ARID1B: variants seen among roughly 807,000 people sequenced by gnomAD.
ARID1B encodes AT-rich interactive domain-containing protein 1B.
Under a neutral mutation model 212.3 loss-of-function variants are expected in ARID1B, and 30 were observed. That is an observed-to-expected ratio of 0.14 (90% CI 0.11 to 0.19). The LOEUF is 0.19. Ranked by LOEUF, ARID1B falls within the 10% of genes least tolerant of loss-of-function variation. ARID1B has a pLI of 1.00. For synonymous variants in ARID1B, 1,402 were observed against 1,301.7 expected, an observed-to-expected ratio of 1.08 and a Z score of -1.66; for missense variants, 2,891 against 3,204.0, an observed-to-expected ratio of 0.90 and a Z score of 2.36.
intron 7 of ARID1B, among the ~76,000 whole-genome samples, chr6:157,142,662 A>C (rs1263026232): frequency 6.6e-6 from 1 of 152,200 alleles, no homozygotes; most frequent in Non-Finnish European, 1.5e-5. Flanking sequence ...CAACAAAAAA[A>C]ACAATATTTT....
chr6:157,121,116 A>G (rs535195622), intron 6 of ARID1B, among the ~76,000 whole-genome samples: 131 of 152,342 alleles, frequency 8.6e-4, no homozygotes, highest in Middle Eastern at 3.4e-3. Flanking sequence ...GATCCATGTT[A>G]AAATTCCTCC....
intron 8 of ARID1B, among the ~76,000 whole-genome samples, chr6:157,165,461 T>C (rs1286451344): frequency 6.6e-6 from 1 of 152,238 alleles, no homozygotes; most frequent in Non-Finnish European, 1.5e-5. Flanking sequence ...CTTTGATAGC[T>C]TGATTTTGCA....
chr6:156,930,717 A>C (rs986369963), intron 3 of ARID1B, among the ~76,000 whole-genome samples: 1 of 152,220 alleles, frequency 6.6e-6, no homozygotes, highest in African/African-American at 2.4e-5. Flanking sequence ...GTGGCCATAA[A>C]AAAAAAGAAT....
intron 4 of ARID1B, among the ~76,000 whole-genome samples, chr6:157,031,597 T>C (rs1432687616): frequency 1.3e-5 from 2 of 152,218 alleles, no homozygotes; most frequent in Non-Finnish European, 2.9e-5. Context: ...AAAATCTATA[T>C]CATTTTAATG....
At chr6:157,123,250 CA>C (rs1159597213) in intron 6 of ARID1B, among the ~76,000 whole-genome samples, 22 of 93,886 alleles carry the variant, frequency 2.3e-4, no homozygotes, top group East Asian at 1.4e-3. Flanking sequence ...CCCCCCCCCA[CA>C]CACACACAAG....
At chr6:157,039,687 TTCCTTCC>T (rs1781654405) in intron 4 of ARID1B, among the ~76,000 whole-genome samples, 5 of 91,920 alleles carry the variant, frequency 5.4e-5, no homozygotes, top group South Asian at 6.0e-4. Flanking sequence ...CCTTCCTTCC[TTCCTTCC>T]TTCTTTCTTT....
intron 4 of ARID1B, chr6:157,036,752 G>T (rs568098351): frequency 4.0e-5 from 19 of 479,592 alleles, no homozygotes; most frequent in Admixed American, 4.7e-5. Flanking sequence ...TCAATTCTAG[G>T]CCATGCCTGT....
chr6:156,778,925 A>C lies in ARID1B; in HGVS notation c.1245A>C (p.Gly415=). Residue 415 remains glycine (G), a synonymous_variant, in exon 1 of 20, where the codon GGA becomes GGC. Transcript: ENST00000636930. ...GAGGAGGAGGAGGAGCAGGAGCAGG[A>C]GGAGCAGGAGCGGGAGCTGTGGCGG... ...GGGGGGGAGA[G]GAGAGAVAAA... The C allele has an allele frequency of 7.6e-7, 1 of 1,316,698 alleles. No individual in the cohort carries two copies. Among genetic ancestry groups the C allele is most frequent in the Non-Finnish European group, 9.6e-7 (1 of 1,040,110 alleles). 81.6% of individuals were successfully genotyped at this position (1,316,698 alleles called of 1,614,324 possible). A position where few individuals can be genotyped will look rare whatever the true frequency, so the allele number is the denominator to read the frequency against.
intron 4 of ARID1B, chr6:157,037,022 T>G (rs1781375983): frequency 2.8e-6 from 1 of 353,002 alleles, no homozygotes. Flanking sequence ...AAGATTTCTC[T>G]TATTGTGATT....
At chr6:156,949,863 T>C (rs905259012) in intron 4 of ARID1B, among the ~76,000 whole-genome samples, 1 of 152,248 alleles carries the variant, frequency 6.6e-6, no homozygotes, top group Non-Finnish European at 1.5e-5. Flanking sequence ...TTTGTTGAGC[T>C]ACCAAAAACT....
chr6:157,039,508 T>C (rs1781582070), intron 4 of ARID1B, among the ~76,000 whole-genome samples: 1 of 151,786 alleles, frequency 6.6e-6, no homozygotes, highest in South Asian at 2.1e-4. Context: ...TTTTTTGTAT[T>C]TTTAGTAGAG....
chr6:156,872,635 G>T (rs552667232), intron 2 of ARID1B, among the ~76,000 whole-genome samples: 1 of 152,046 alleles, frequency 6.6e-6, no homozygotes, highest in Non-Finnish European at 1.5e-5. Flanking sequence ...CTAACCCATC[G>T]GTTTTCAGTC....
At chr6:156,878,988 A>G (rs1786816954) in intron 2 of ARID1B, among the ~76,000 whole-genome samples, 3 of 152,208 alleles carry the variant, frequency 2.0e-5, no homozygotes, top group Admixed American at 2.0e-4. Flanking sequence ...TGCTGGACAA[A>G]GAGGTAAAGC....
intron 1 of ARID1B, among the ~76,000 whole-genome samples, chr6:156,795,554 TC>T (rs1291059621): frequency 6.6e-6 from 1 of 152,090 alleles, no homozygotes; most frequent in Non-Finnish European, 1.5e-5. Flanking sequence ...GGCAGAAAAC[TC>T]CTCCAGTTCT....
At chr6:156,995,015 T>C (rs1268340325) in intron 4 of ARID1B, among the ~76,000 whole-genome samples, 1 of 152,178 alleles carries the variant, frequency 6.6e-6, no homozygotes, top group African/African-American at 2.4e-5. Flanking sequence ...GCAGACTGAC[T>C]TTGCAGGGGC....
chr6:157,014,088 G>A (rs907387248), intron 4 of ARID1B, among the ~76,000 whole-genome samples: 2 of 152,150 alleles, frequency 1.3e-5, no homozygotes, highest in African/African-American at 2.4e-5. Flanking sequence ...AACTTAAAAC[G>A]CAGCATGTAT....
intron 19 of ARID1B, chr6:157,204,391 T>A (rs1449441196): frequency 6.3e-6 from 1 of 157,792 alleles, no homozygotes; most frequent in African/African-American, 2.4e-5. Flanking sequence ...AACCCTGCTT[T>A]CCAGGAGGAC....
intron 6 of ARID1B, among the ~76,000 whole-genome samples, chr6:157,117,447 A>G (rs753412581): frequency 3.9e-5 from 6 of 152,314 alleles, no homozygotes; most frequent in African/African-American, 7.2e-5. Flanking sequence ...GTCACATTCT[A>G]TTTGCATAGT....
chr6:157,191,033 T>C (rs1793329242), intron 15 of ARID1B, among the ~76,000 whole-genome samples: 1 of 151,604 alleles, frequency 6.6e-6, no homozygotes, highest in African/African-American at 2.4e-5. Flanking sequence ...TCGGTGTCTG[T>C]GGGCGTATTG....
Sources: allele counts gnomAD v4.1 joint callset (sites outside exome capture counted in the v4.1 genomes callset), GRCh38; gene constraint gnomAD v4.1.1; transcripts MANE v1.5; gene names NCBI Gene and HGNC (gene_info 2026-07-23, HGNC 2026-07-21).